Variants in SORCS3 observed in about 807,000 individuals in gnomAD.
The protein encoded by SORCS3 is VPS10 domain-containing receptor SorCS3.
A neutral mutation model predicts 146.3 loss-of-function variants in SORCS3; 57 were observed. The observed-to-expected ratio is 0.39, with a 90% CI of 0.31 to 0.49. The LOEUF (loss-of-function observed/expected upper bound fraction) is 0.49. Among genes scored for constraint, SORCS3 ranks in the 20% least tolerant of loss-of-function variants. The probability of loss-of-function intolerance (pLI) is 0.92; values close to 1 mark genes in which losing one functional copy is unlikely to be tolerated. For synonymous variants in SORCS3, 653 were observed against 618.5 expected (o/e 1.06, Z -0.83); for missense variants, 1,341 against 1,575.5 (o/e 0.85, Z 2.52).
At chr10:105,029,064 C>T (rs1210620778) in intron 4 of SORCS3, among the ~76,000 whole-genome samples, 2 of 152,204 alleles carry the variant, frequency 1.3e-5, no homozygotes, top group African/African-American at 4.8e-5. Context: ...GTTGGCCAAC[C>T]TCTGCTTTAG....
chr10:105,116,167 A>G (rs553108554), intron 7 of SORCS3, among the ~76,000 whole-genome samples: 2 of 152,226 alleles, frequency 1.3e-5, no homozygotes, highest in Non-Finnish European at 2.9e-5. Context: ...CAAAGTAATG[A>G]TATTTAGTTG....
At chr10:104,936,988 T>C (rs1003700499) in intron 3 of SORCS3, among the ~76,000 whole-genome samples, 1 of 152,168 alleles carries the variant, frequency 6.6e-6, no homozygotes, top group Non-Finnish European at 1.5e-5. Context: ...CCCAACCTTT[T>C]TGGTACCAGG....
At chr10:104,709,178 C>T (rs182752353) in intron 1 of SORCS3, among the ~76,000 whole-genome samples, 11 of 152,118 alleles carry the variant, frequency 7.2e-5, no homozygotes, top group Admixed American at 1.3e-4. Flanking sequence ...TGGGAGGAGG[C>T]GGGTAGAGAG....
In SORCS3 at chr10:105,026,423, G is replaced by A. The variant is rs150603940; in HGVS notation, c.955-16632G>A. 6.6e-5 allele frequency among the ~76,000 whole-genome samples: 10 copies of A among 152,274 alleles called. No individual in the cohort carries two copies. In the East Asian group the frequency reaches 1.7e-3, roughly 27 times the overall value. ...AAATGCATCAGTAGACTTCCCTGAT[G>A]CATGAAAGGAAGCAAAATGGAATCA... On this transcript the variant is annotated intron_variant, in intron 4 of 26. Transcript: ENST00000369701.
At chr10:105,185,972 G>A (rs577522345) in intron 14 of SORCS3, among the ~76,000 whole-genome samples, 11 of 152,070 alleles carry the variant, frequency 7.2e-5, no homozygotes, top group Admixed American at 1.3e-4. Context: ...GGCACTTTTC[G>A]TGCTATATGG....
chr10:104,975,101 G>A (rs1157699626), intron 3 of SORCS3, among the ~76,000 whole-genome samples: 2 of 152,050 alleles, frequency 1.3e-5, no homozygotes, highest in Non-Finnish European at 2.9e-5. Context: ...ATTCAATTAG[G>A]AAAAGAGGAA....
intron 1 of SORCS3, among the ~76,000 whole-genome samples, chr10:104,682,871 G>T (rs530428045): frequency 6.6e-6 from 1 of 152,238 alleles, no homozygotes; most frequent in South Asian, 2.1e-4. Context: ...TGCTCTTGAG[G>T]GCAGATGCAG....
At chr10:104,679,299 G>A (rs956578909) in intron 1 of SORCS3, among the ~76,000 whole-genome samples, 1 of 152,208 alleles carries the variant, frequency 6.6e-6, no homozygotes, top group Admixed American at 6.5e-5. Flanking sequence ...AGCTGTTGTA[G>A]TGGCCCAGGT....
chr10:105,253,264 T>G (rs951611225), intron 23 of SORCS3, among the ~76,000 whole-genome samples: 4 of 152,066 alleles, frequency 2.6e-5, no homozygotes, highest in Admixed American at 2.6e-4. Flanking sequence ...ATTTCCTTGT[T>G]TATTTCTGGG....
At chr10:104,948,933 CA>C (rs2019400387) in intron 3 of SORCS3, among the ~76,000 whole-genome samples, 1 of 152,188 alleles carries the variant, frequency 6.6e-6, no homozygotes, top group Non-Finnish European at 1.5e-5. Flanking sequence ...TCAAGGAATA[CA>C]AATTAATGCT....
At chr10:104,782,006 G>T (rs2017379401) in intron 1 of SORCS3, among the ~76,000 whole-genome samples, 1 of 152,248 alleles carries the variant, frequency 6.6e-6, no homozygotes, top group African/African-American at 2.4e-5. Flanking sequence ...ATAGAACGGG[G>T]TGTATGTGTG....
rs372620584 is a variant in SORCS3 at position 104,737,772 on chromosome 10, G to T, written c.627+95818G>T. On this transcript the variant is annotated intron_variant, in intron 1 of 26. Transcript: ENST00000369701. ...TTTCTTTTGCTGTGCAGAAGCTCTT[G>T]AGTTTAATTAGATCCCATTTGTCAA... Among the ~76,000 whole-genome samples the T allele has an allele frequency of 2.3e-3, 343 of 151,324 alleles. 3 individuals carry two copies. Among genetic ancestry groups the T allele is most frequent in the Admixed American group, 5.6e-3 (85 of 15,194 alleles).
rs571158041 is a variant in SORCS3, at chr10:105,195,187, A to G, written c.2010-4812A>G. 3.3e-5 allele frequency among the ~76,000 whole-genome samples: 5 copies of G among 152,336 alleles called. No homozygotes were observed. In the South Asian group the frequency reaches 8.3e-4, roughly 25 times the overall value. ...ACCACTTTGTTCCCCCTGTAAAAGT[A>G]CTACACATATGAGAAGTGTGCTGTA... On this transcript the variant is annotated intron_variant, in intron 14 of 26. Coordinates refer to ENST00000369701, the MANE Select transcript of SORCS3 (RefSeq NM_014978.3).
intron 9 of SORCS3, among the ~76,000 whole-genome samples, chr10:105,155,940 C>A (rs1338312776): frequency 1.3e-5 from 2 of 152,152 alleles, no homozygotes; most frequent in Non-Finnish European, 2.9e-5. Context: ...CAAGACCAAT[C>A]AGGTTACTTA....
intron 1 of SORCS3, among the ~76,000 whole-genome samples, chr10:104,819,620 C>A (rs1278989311): frequency 6.6e-6 from 1 of 152,160 alleles, no homozygotes; most frequent in Non-Finnish European, 1.5e-5. Flanking sequence ...CCACTTGGAC[C>A]CTTCCATGTG....
chr10:104,661,302 G>A (rs951046072), intron 1 of SORCS3, among the ~76,000 whole-genome samples: 1 of 152,128 alleles, frequency 6.6e-6, no homozygotes, highest in Non-Finnish European at 1.5e-5. Flanking sequence ...AGAAATAGGG[G>A]AGTATTTTTC....
chr10:105,248,392 T>A (rs1322210149), intron 22 of SORCS3, among the ~76,000 whole-genome samples: 1 of 152,144 alleles, frequency 6.6e-6, no homozygotes, highest in Non-Finnish European at 1.5e-5. Flanking sequence ...CAAGGATAAA[T>A]GTCAGTTAAC....
intron 5 of SORCS3, among the ~76,000 whole-genome samples, chr10:105,068,071 C>T (rs943681967): frequency 6.6e-6 from 1 of 152,074 alleles, no homozygotes; most frequent in Non-Finnish European, 1.5e-5. Context: ...ATGCCCCTCG[C>T]AACATCTCTA....
intron 1 of SORCS3, among the ~76,000 whole-genome samples, chr10:104,642,744 A>G (rs945641955): frequency 4.6e-5 from 7 of 152,302 alleles, no homozygotes; most frequent in Non-Finnish European, 4.4e-5. Context: ...GTCCTGCGCC[A>G]CAAACGGCTC....
Sources: gnomAD v4.1 joint callset for allele counts (sites outside exome capture counted in the v4.1 genomes callset) on GRCh38, gnomAD v4.1.1 for gene constraint, MANE v1.5 for transcripts, NCBI Gene and HGNC (gene_info 2026-07-23, HGNC 2026-07-21) for gene names.